Variants in CNIH3 observed in about 807,000 individuals in gnomAD.
CNIH3 encodes the protein protein cornichon homolog 3.
A neutral mutation model predicts 24.1 loss-of-function variants in CNIH3; 14 were observed. That is an observed-to-expected ratio of 0.58 (90% CI 0.38 to 0.91). The LOEUF (loss-of-function observed/expected upper bound fraction) is 0.91, where lower values mean the gene tolerates loss of function less well. Ranked by LOEUF, CNIH3 falls within the 40% of genes least tolerant of loss-of-function variation. The pLI is 0.00. For missense variants in CNIH3, 178 were observed against 196.8 expected, an observed-to-expected ratio of 0.90 and a Z score of 0.57; for synonymous variants, 68 against 73.8, an observed-to-expected ratio of 0.92 and a Z score of 0.40.
At chr1:224,475,718 T>C (rs907043887) in intron 1 of CNIH3, among the ~76,000 whole-genome samples, 9 of 152,212 alleles carry the variant, frequency 5.9e-5, no homozygotes, top group African/African-American at 2.2e-4. Context: ...GAGGGAATAC[T>C]TGTAAACCTA....
At chr1:224,598,750 G>C (rs1467159109) in intron 3 of CNIH3, among the ~76,000 whole-genome samples, 2 of 152,136 alleles carry the variant, frequency 1.3e-5, no homozygotes, top group African/African-American at 4.8e-5. Context: ...GCATTTTTTA[G>C]CAATAAAGTA....
chr1:224,696,936 C>G (rs775621693), intron 3 of CNIH3, among the ~76,000 whole-genome samples: 209 of 152,198 alleles, frequency 1.4e-3, no homozygotes, highest in Non-Finnish European at 2.5e-3. Context: ...ATGTATTTTA[C>G]ACAGTTGTAT....
intron 3 of CNIH3, among the ~76,000 whole-genome samples, chr1:224,593,801 C>G (rs1681863401): frequency 6.6e-6 from 1 of 152,190 alleles, no homozygotes; most frequent in South Asian, 2.1e-4. Context: ...TGGGTGCATC[C>G]ATAGACATTT....
At chr1:224,516,119 A>G (rs1267242927) in intron 1 of CNIH3, among the ~76,000 whole-genome samples, 2 of 151,982 alleles carry the variant, frequency 1.3e-5, no homozygotes, top group Non-Finnish European at 2.9e-5. Flanking sequence ...GATAGAGACC[A>G]TTCTAGCCAA....
chr1:224,730,437 G>T (rs1365570582), intron 3 of CNIH3, 25 bp from the exon 4 acceptor site: 2 of 1,457,764 alleles, frequency 1.4e-6, no homozygotes, highest in African/African-American at 2.8e-5. Flanking sequence ...TCTAACTCAG[G>T]GCCGTGTCTC....
intron 3 of CNIH3, among the ~76,000 whole-genome samples, chr1:224,599,500 T>G (rs1239920622): frequency 6.6e-6 from 1 of 152,128 alleles, no homozygotes; most frequent in Non-Finnish European, 1.5e-5. Flanking sequence ...TTTTACATAA[T>G]TTATTGGACA....
chr1:224,575,255 G>T (rs560293680), intron 4 of CNIH3: 1 of 1,299,906 alleles, frequency 7.7e-7, no homozygotes, highest in African/African-American at 1.4e-5. Context: ...GCATTGCTGA[G>T]AACTTTAAGG....
intron 1 of CNIH3, among the ~76,000 whole-genome samples, chr1:224,479,350 C>T (rs1014162428): frequency 6.6e-5 from 10 of 152,078 alleles, no homozygotes; most frequent in East Asian, 1.9e-4. Flanking sequence ...GACGGAGTTT[C>T]TCCACGTTGG....
At chr1:224,534,038 G>A (rs1299591929) in intron 2 of CNIH3, among the ~76,000 whole-genome samples, 1 of 152,154 alleles carries the variant, frequency 6.6e-6, no homozygotes, top group East Asian at 1.9e-4. Flanking sequence ...GGTGGCACAT[G>A]CCTGTGGTCC....
At chr1:224,578,931 C>A (rs1391740774) in intron 4 of CNIH3, among the ~76,000 whole-genome samples, 1 of 152,120 alleles carries the variant, frequency 6.6e-6, no homozygotes, top group Non-Finnish European at 1.5e-5. Context: ...AATCTGGAAA[C>A]TCATGTTTTC....
At chr1:224,679,187 A>AT (rs952480674) in intron 1 of CNIH3, among the ~76,000 whole-genome samples, 14 of 150,948 alleles carry the variant, frequency 9.3e-5, no homozygotes, top group Non-Finnish European at 1.9e-4. Context: ...TTGTATTTGT[A>AT]TTTTTTTTTG....
chr1:224,660,063 C>T (rs575602287), intron 1 of CNIH3, among the ~76,000 whole-genome samples: 1 of 152,310 alleles, frequency 6.6e-6, no homozygotes, highest in East Asian at 1.9e-4. Context: ...TACCTTGTTT[C>T]ATAAATAACC....
intron 4 of CNIH3, 153 bp downstream of exon 4, chr1:224,730,727 T>C: frequency 5.2e-6 from 3 of 571,700 alleles, no homozygotes; most frequent in South Asian, 2.5e-5. Context: ...CCCAAACTGC[T>C]CTTAGGCAAC....
At chr1:224,709,878 G>A (rs1175301044) in intron 3 of CNIH3, among the ~76,000 whole-genome samples, 1 of 152,142 alleles carries the variant, frequency 6.6e-6, no homozygotes, top group African/African-American at 2.4e-5. Context: ...GATTCCTGAA[G>A]TTGCAGATAG....
intron 3 of CNIH3, among the ~76,000 whole-genome samples, chr1:224,594,741 C>A (rs1272696369): frequency 6.6e-6 from 1 of 152,152 alleles, no homozygotes; most frequent in Admixed American, 6.5e-5. Flanking sequence ...TGGTACCTGG[C>A]TCTGGGAAGA....
intron 1 of CNIH3, chr1:224,435,211 G>C (rs1483768004): frequency 1.0e-6 from 1 of 986,204 alleles, no homozygotes; most frequent in Non-Finnish European, 1.2e-6. Flanking sequence ...AGGGGGCTAG[G>C]AGCTTCGACA....
chr1:224,678,627 T>C (rs1218716410), intron 1 of CNIH3, among the ~76,000 whole-genome samples: 1 of 151,992 alleles, frequency 6.6e-6, no homozygotes, highest in East Asian at 1.9e-4. Context: ...AGGGGTTCTT[T>C]GTGGAGGAGG....
rs945779676 is a variant in CNIH3 at position 224,674,140 on chromosome 1, G to A, written c.82-6818G>A. Among the ~76,000 whole-genome samples the A allele has an allele frequency of 2.0e-5, 3 of 152,104 alleles. No homozygotes were observed. In the East Asian group the frequency reaches 5.8e-4, roughly 29 times the overall value. On this transcript the variant is annotated intron_variant, in intron 1 of 5. Coordinates refer to ENST00000272133, the MANE Select transcript of CNIH3 (RefSeq NM_152495.2). ...TTAAGAGCCTTCAGAAATAAGAGGA[G>A]CAAATGCAGGGAAGAGAAAGTCCCA...
intron 3 of CNIH3, among the ~76,000 whole-genome samples, chr1:224,724,624 T>C (rs1688921538): frequency 6.6e-6 from 1 of 152,214 alleles, no homozygotes; most frequent in African/African-American, 2.4e-5. Context: ...CCACACTCTT[T>C]GGCTCCTGGG....
Sources: gnomAD v4.1 joint callset for allele counts (sites outside exome capture counted in the v4.1 genomes callset) on GRCh38, gnomAD v4.1.1 for gene constraint, MANE v1.5 for transcripts, NCBI Gene and HGNC (gene_info 2026-07-23, HGNC 2026-07-21) for gene names.